The following POLN variants were observed in gnomAD, a reference collection of about 807,000 sequenced individuals.
POLN encodes the protein DNA polymerase N.
POLN carries 108 observed loss-of-function variants against 113.5 expected under a neutral mutation model. That is an observed-to-expected ratio of 0.95 (90% CI 0.81 to 1.12). The LOEUF is 1.12. POLN is among the 50% of genes most tolerant of loss of function. The pLI, the probability that POLN is intolerant of heterozygous loss-of-function variation, is 0.00. For missense variants in POLN, 1,097 were observed against 1,077.1 expected (o/e 1.02, Z -0.26); for synonymous variants, 386 against 391.5 (o/e 0.99, Z 0.17).
chr4:2,215,183 C>A (rs1310594824), intron 3 of POLN, among the ~76,000 whole-genome samples: 1 of 151,974 alleles, frequency 6.6e-6, no homozygotes, highest in African/African-American at 2.4e-5. Flanking sequence ...ACATAATATC[C>A]ACATCATGAA....
At chr4:2,213,650 C>T (rs528065609) in intron 3 of POLN, among the ~76,000 whole-genome samples, 45 of 152,238 alleles carry the variant, frequency 3.0e-4, no homozygotes, top group Non-Finnish European at 5.1e-4. Context: ...CATACATTTC[C>T]TCTGCAGGAA....
intron 2 of POLN, chr4:2,238,505 G>T: frequency 3.0e-6 from 2 of 672,796 alleles, no homozygotes; most frequent in Non-Finnish European, 4.6e-6. Context: ...GAAATGCAAA[G>T]AATTGTTAAA....
At chr4:2,198,303 G>A (rs970210018) in intron 6 of POLN, among the ~76,000 whole-genome samples, 2 of 152,116 alleles carry the variant, frequency 1.3e-5, no homozygotes, top group Non-Finnish European at 2.9e-5. Flanking sequence ...TCCTGGAGCC[G>A]GCTGCTCCCA....
At chr4:2,072,378 C>CA in intron 25 of POLN, 79 bp from the exon 26 acceptor site, 1 of 1,236,818 alleles carries the variant, frequency 8.1e-7, no homozygotes, top group Non-Finnish European at 1.1e-6. Context: ...AGCAGGGGGA[C>CA]AGGGCCTACA....
intron 2 of POLN, among the ~76,000 whole-genome samples, chr4:2,234,773 C>A (rs1379659942): frequency 6.6e-6 from 1 of 152,158 alleles, no homozygotes; most frequent in Non-Finnish European, 1.5e-5. Context: ...TGCTTTGATT[C>A]ACTGCAATTT....
At chr4:2,189,263 C>T (rs534538249) in intron 7 of POLN, among the ~76,000 whole-genome samples, 1 of 152,272 alleles carries the variant, frequency 6.6e-6, no homozygotes, top group African/African-American at 2.4e-5. Context: ...ACAACTATTT[C>T]CTGCTTACTA....
chr4:2,218,915 A>G (rs989634185), intron 3 of POLN, among the ~76,000 whole-genome samples: 1 of 152,292 alleles, frequency 6.6e-6, no homozygotes, highest in African/African-American at 2.4e-5. Flanking sequence ...TGAACATATG[A>G]CAGGGACCAC....
intron 17 of POLN, among the ~76,000 whole-genome samples, chr4:2,130,361 T>A (rs892039866): frequency 8.6e-5 from 13 of 151,978 alleles, no homozygotes; most frequent in Admixed American, 7.9e-4. Flanking sequence ...CTTCATTGTT[T>A]TGCCAGGACC....
chr4:2,232,307 A>C, intron 2 of POLN: 1 of 482,230 alleles, frequency 2.1e-6, no homozygotes, highest in East Asian at 3.6e-5. Flanking sequence ...TTTAAAATCC[A>C]TAACAGGTTT....
intron 19 of POLN, among the ~76,000 whole-genome samples, chr4:2,106,900 G>T (rs919803607): frequency 6.6e-6 from 1 of 152,058 alleles, no homozygotes; most frequent in Non-Finnish European, 1.5e-5. Flanking sequence ...ATAAACTGCA[G>T]ATTAGTTTGT....
intron 16 of POLN, chr4:2,156,336 G>C: frequency 2.4e-6 from 1 of 417,908 alleles, no homozygotes; most frequent in East Asian, 7.1e-5. Context: ...TGCTTTAAGT[G>C]TGATGCAAGC....
intron 7 of POLN, among the ~76,000 whole-genome samples, chr4:2,191,522 G>A (rs1385777934): frequency 6.6e-6 from 1 of 151,964 alleles, no homozygotes; most frequent in Non-Finnish European, 1.5e-5. Flanking sequence ...AAAGATAAAT[G>A]TTTAAGGTGA....
rs755075498 is a variant in POLN, at chr4:2,208,144, T to C, written c.557A>G (p.Asn186Ser). ...TTTCAATGCTCCTGAGTTCCCAGAA[T>C]TTAGGTAGCCTTCGGCGTCATCAGT... ...EDTDDAEGYL[N>S]SGNSGALKKH... Residue 186 changes from asparagine (N) to serine (S), a missense_variant, in exon 5 of 26, where the codon AAT becomes AGT. Physicochemically the swap from Asn to Ser is conservative, Grantham distance 46 (BLOSUM62 1). Coordinates refer to ENST00000511885, the MANE Select transcript of POLN (RefSeq NM_181808.4). 1.2e-6 allele frequency: 2 copies of C among 1,614,072 alleles called. No homozygotes were observed. The highest frequency in any genetic ancestry group is 2.7e-5 in the African/African-American group (2 of 74,944).
rs61748735 is a variant in POLN at position 2,208,348 on chromosome 4, A to G, written c.353T>C (p.Leu118Ser). Residue 118 changes from leucine to serine, a missense_variant, in exon 5 of 26, where the codon TTA (leucine) becomes TCA (serine). By Grantham distance (145) the Leu-to-Ser change is moderately radical. Coordinates refer to ENST00000511885, the MANE Select transcript of POLN (RefSeq NM_181808.4). ...SISSLTLSSC[L>S]IPQYNQEASV... ...AGCCTCTTGATTATACTGTGGAATT[A>G]AACAACTTGAAAGAGTCAATGAGCT... is the stretch of plus-strand genomic sequence containing the variant. 2.9e-4 allele frequency: 462 copies of G among 1,613,510 alleles called. 1 individual carries two copies. The Admixed American group carries it at 7.0e-3, about 25-fold the overall frequency.
chr4:2,126,551 A>G lies in POLN; in HGVS notation c.1982+1562T>C, dbSNP rs1442988854. Reference sequence around the variant, plus strand: ...AATACATGGGAATGTGCATCGGACCAGAGAGGAGCAGAGACCAGAGAGGAG... The same window carrying G: ...AATACATGGGAATGTGCATCGGACCGGAGAGGAGCAGAGACCAGAGAGGAG... On this transcript the variant is annotated intron_variant, in intron 19 of 25. Coordinates refer to ENST00000511885, the MANE Select transcript of POLN (RefSeq NM_181808.4). The surrounding 1 kb of genome is among the most constrained non-coding windows in gnomAD (Gnocchi z 4.6). Among the ~76,000 whole-genome samples, 1 of 152,176 alleles carries G rather than the reference A, an allele frequency of 6.6e-6. No individual in the cohort carries two copies. The highest frequency in any genetic ancestry group is 1.5e-5 in the Non-Finnish European group (1 of 68,036).
intron 19 of POLN, among the ~76,000 whole-genome samples, chr4:2,120,105 T>C (rs1051346350): frequency 6.6e-6 from 1 of 152,222 alleles, no homozygotes. Context: ...TCTGTTCCAT[T>C]GATCAGAAGG....
intron 19 of POLN, among the ~76,000 whole-genome samples, chr4:2,122,535 A>G (rs1731467398): frequency 6.6e-6 from 1 of 152,150 alleles, no homozygotes; most frequent in Non-Finnish European, 1.5e-5. Flanking sequence ...GCTCAATGAG[A>G]TACCACTTCA....
intron 5 of POLN, among the ~76,000 whole-genome samples, chr4:2,204,436 G>A (rs1733795218): frequency 6.6e-6 from 1 of 152,074 alleles, no homozygotes; most frequent in African/African-American, 2.4e-5. Flanking sequence ...CAGTGAGACT[G>A]AAATGGTAAC....
At chr4:2,240,588 C>G (rs760662072) in intron 2 of POLN, 2 of 1,612,536 alleles carry the variant, frequency 1.2e-6, no homozygotes, top group African/African-American at 1.3e-5. Context: ...ACATTTATTA[C>G]GTCGCTGAAT....
Sources: gnomAD v4.1 joint callset for allele counts (sites outside exome capture counted in the v4.1 genomes callset) on GRCh38, gnomAD v4.1.1 for gene constraint, Gnocchi (gnomAD v3.1) non-coding constraint, MANE v1.5 for transcripts, NCBI Gene and HGNC (gene_info 2026-07-23, HGNC 2026-07-21) for gene names.